The following LRP2 variants were observed in gnomAD, a reference collection of about 807,000 sequenced individuals.
LRP2 encodes the protein LDL receptor related protein 2.
Under a neutral mutation model 531.0 loss-of-function variants are expected in LRP2, and 172 were observed. The ratio of observed to expected loss-of-function variants is 0.32; its 90% CI spans 0.29 to 0.37. The LOEUF is 0.37. Among genes scored for constraint, LRP2 ranks in the 10% least tolerant of loss-of-function variants. The pLI is 1.00. For missense variants in LRP2, 5,167 were observed against 5,868.3 expected (o/e 0.88, Z 3.90); for synonymous variants, 1,992 against 2,027.6 (o/e 0.98, Z 0.47).
rs1559022264 is a variant in LRP2 at position 169,216,363 on chromosome 2, C to A, written c.5716G>T (p.Asp1906Tyr). 1.2e-6 allele frequency: 2 copies of A among 1,613,614 alleles called. No individual in the cohort carries two copies. Among genetic ancestry groups the A allele is most frequent in the African/African-American group, 2.7e-5 (2 of 74,904 alleles). The change falls in exon 35 of 79, where the codon GAT becomes TAT. Residue 1906 changes from aspartate (D) to tyrosine (Y), a missense_variant. Coordinates refer to ENST00000649046, the MANE Select transcript of LRP2 (RefSeq NM_004525.3). Reference sequence around the variant, plus strand: ...AAGAGAGTTTTCACAGATGTGCCATCCATGTTAGCACTGGCGATCTTGGCA... The same window carrying A: ...AAGAGAGTTTTCACAGATGTGCCATACATGTTAGCACTGGCGATCTTGGCA... ...VPAKIASANM[D>Y]GTSVKTLFTG...
intron 16 of LRP2, among the ~76,000 whole-genome samples, chr2:169,270,559 G>A (rs1225433707): frequency 6.8e-6 from 1 of 147,264 alleles, no homozygotes; most frequent in Non-Finnish European, 1.5e-5. Flanking sequence ...TGAACAATGA[G>A]CACACATGGA....
intron 68 of LRP2, among the ~76,000 whole-genome samples, chr2:169,149,020 C>T (rs995746121): frequency 6.6e-6 from 1 of 152,310 alleles, no homozygotes; most frequent in Admixed American, 6.5e-5. Context: ...GGTAGGAGAA[C>T]TATCACAGTG....
intron 46 of LRP2, among the ~76,000 whole-genome samples, chr2:169,195,261 G>A (rs1687967999): frequency 1.3e-5 from 2 of 152,096 alleles, no homozygotes; most frequent in East Asian, 1.9e-4. Context: ...CTGACATGAT[G>A]TTAAGCTTAA....
rs1463320458 is a variant in LRP2, at chr2:169,277,902, C to G, written c.1615G>C (p.Glu539Gln). The G allele has an allele frequency of 3.7e-6, 6 of 1,613,860 alleles. No homozygotes were observed. The South Asian group carries it at 5.5e-5, about 15-fold the overall frequency. The change falls in exon 13 of 79, where the codon GAA (glutamate) becomes CAA (glutamine). Residue 539 changes from glutamate (E) to glutamine (Q), a missense_variant. Transcript: ENST00000649046. ...WESLSGEPKL[E>Q]RAFMDGSNRK... ...TTGCTGCCATCCATGAATGCCCTTT[C>G]CAGCTTAGGTTCCCCAGAAAGGCTC...
chr2:169,293,505 A>T (rs1007657979), intron 6 of LRP2, among the ~76,000 whole-genome samples: 1 of 152,036 alleles, frequency 6.6e-6, no homozygotes, highest in African/African-American at 2.4e-5. Context: ...GTGAAACCCC[A>T]TCTCTACTAA....
intron 3 of LRP2, among the ~76,000 whole-genome samples, chr2:169,309,417 G>A (rs1684527198): frequency 6.6e-6 from 1 of 152,184 alleles, no homozygotes; most frequent in Non-Finnish European, 1.5e-5. Context: ...GTAAGGAAGG[G>A]ATCCAGTTTC....
At chr2:169,261,790 A>G (rs1345724045) in intron 16 of LRP2, among the ~76,000 whole-genome samples, 1 of 152,168 alleles carries the variant, frequency 6.6e-6, no homozygotes, top group Non-Finnish European at 1.5e-5. Flanking sequence ...AGACACAACC[A>G]AAACAGAGCA....
intron 16 of LRP2, among the ~76,000 whole-genome samples, chr2:169,267,757 T>C (rs997070685): frequency 1.3e-5 from 2 of 151,890 alleles, no homozygotes; most frequent in African/African-American, 4.8e-5. Context: ...ACTAAGATCA[T>C]AGCAGAACTG....
chr2:169,243,609 G>A lies in LRP2; in HGVS notation c.3431-87C>T. The A allele has an allele frequency of 1.1e-5, 16 of 1,507,122 alleles. 1 individual carries two copies. Among genetic ancestry groups the A allele is most frequent in the Non-Finnish European group, 1.5e-5 (16 of 1,084,474 alleles). The allele number at this position is 1,507,122 out of a possible 1,614,324, so 93.4% of individuals were successfully genotyped here. A position where few individuals can be genotyped will look rare whatever the true frequency, so the allele number is the denominator to read the frequency against. On this transcript the variant is annotated intron_variant, in intron 22 of 78. Coordinates refer to ENST00000649046, the MANE Select transcript of LRP2 (RefSeq NM_004525.3). ...AACTAAAAATGGCTAAATAGCTACAGAAGTTATCTCAATTGTACATGGGTT... is the reference window on the plus strand; with the variant it reads ...AACTAAAAATGGCTAAATAGCTACAAAAGTTATCTCAATTGTACATGGGTT...
chr2:169,338,448 G>A (rs963473148), intron 1 of LRP2, among the ~76,000 whole-genome samples: 6 of 150,380 alleles, frequency 4.0e-5, no homozygotes, highest in Admixed American at 3.3e-4. Context: ...ACGGAGGGAG[G>A]AAAGGAAGGA....
chr2:169,139,430 A>C, intron 73 of LRP2, 59 bp from the exon 74 acceptor site: 1 of 1,614,072 alleles, frequency 6.2e-7, no homozygotes, highest in Non-Finnish European at 8.5e-7. Flanking sequence ...TCCTGGCAGA[A>C]ACTGGGGGCT....
chr2:169,177,512 T>C (rs1009455556), intron 53 of LRP2, among the ~76,000 whole-genome samples: 1 of 151,712 alleles, frequency 6.6e-6, no homozygotes, highest in Non-Finnish European at 1.5e-5. Context: ...GAAGTAAATA[T>C]GGCAACATGA....
In LRP2 at chr2:169,246,738, C is replaced by G. The variant is rs1432929481; in HGVS notation, c.3157G>C (p.Asp1053His). The change falls in exon 21 of 79, where the codon GAT (aspartate) becomes CAT (histidine). Residue 1053 changes from aspartate (D) to histidine (H), a missense_variant. Around this residue, in one of 6 missense-constraint regions of LRP2, gnomAD observed 2,811 missense variants for 3,058.0 expected, o/e 0.92. Transcript: ENST00000649046. ...CCACATAGTTGCTCATCACTGTTATCATGACAATCATCGACTCCATCACAG... is the reference window on the plus strand; with the variant it reads ...CCACATAGTTGCTCATCACTGTTATGATGACAATCATCGACTCCATCACAG... ...YLCDGVDDCHDNSDEQLCGTL... is the reference protein window; with the variant it reads ...YLCDGVDDCHHNSDEQLCGTL... 2.5e-5 allele frequency: 40 copies of G among 1,614,224 alleles called. No homozygotes were observed. The highest frequency in any genetic ancestry group is 3.3e-5 in the Non-Finnish European group (39 of 1,180,052).
Position 169,156,325 on chromosome 2 carries a change from C to G in LRP2, c.12100G>C (p.Asp4034His). Residue 4034 changes from aspartate to histidine, a missense_variant, in exon 65 of 79, where the codon GAT becomes CAT. Transcript: ENST00000649046. ...CGGTCACTCATAGACGTGAAGCCAT[C>G]AGCACAGACACACTCATAACTTCCT... ...TKGSYECVCA[D>H]GFTSMSDRPG... 1 of 1,613,736 alleles carries G rather than the reference C, an allele frequency of 6.2e-7. No homozygotes were observed. The highest frequency in any genetic ancestry group is 8.5e-7 in the Non-Finnish European group (1 of 1,179,716).
intron 68 of LRP2, among the ~76,000 whole-genome samples, chr2:169,148,867 C>T (rs1046355914): frequency 1.3e-5 from 2 of 152,178 alleles, no homozygotes; most frequent in African/African-American, 2.4e-5. Flanking sequence ...CCCACTTTCT[C>T]TGGGAAGTGG....
At chr2:169,177,693 C>T (rs1687250503) in intron 53 of LRP2, 110 bp downstream of exon 53, 5 of 931,264 alleles carry the variant, frequency 5.4e-6, no homozygotes, top group African/African-American at 4.9e-5. Context: ...GAAGAAAACA[C>T]TAACAAGTGC....
At chr2:169,221,361 A>G (rs1440463371) in intron 33 of LRP2, among the ~76,000 whole-genome samples, 2 of 152,336 alleles carry the variant, frequency 1.3e-5, no homozygotes, top group Admixed American at 1.3e-4. Context: ...TTCTCAATAC[A>G]GATGGAGAAA....
chr2:169,220,569 G>A lies in LRP2; in HGVS notation c.5539-6C>T. ...TCTCCGTGGAGTGTCAAAACCTATA[G>A]CATAAAATCACTTATTAGAACTGAC... is the stretch of plus-strand genomic sequence containing the variant. On this transcript the variant is annotated splice_polypyrimidine_tract_variant and splice_region_variant and intron_variant, in intron 33 of 78. Transcript: ENST00000649046. 6.3e-7 allele frequency: 1 copy of A among 1,585,922 alleles called. No individual in the cohort carries two copies. Among genetic ancestry groups the A allele is most frequent in the South Asian group, 1.1e-5 (1 of 90,116 alleles).
At chr2:169,284,256 C>CTTTTTT (rs1216987363) in intron 9 of LRP2, among the ~76,000 whole-genome samples, 7 of 96,670 alleles carry the variant, frequency 7.2e-5, no homozygotes, top group African/African-American at 1.8e-4. Context: ...TCTTTTTTTT[C>CTTTTTT]TTTTTTTTTT....
Sources: allele counts gnomAD v4.1 joint callset (sites outside exome capture counted in the v4.1 genomes callset), GRCh38; gene constraint gnomAD v4.1.1; regional missense constraint gnomAD v4.1.1; transcripts MANE v1.5; gene names NCBI Gene and HGNC (gene_info 2026-07-23, HGNC 2026-07-21).